The following LRP2 variants were observed in gnomAD, a reference collection of about 807,000 sequenced individuals.
The protein encoded by LRP2 is LDL receptor related protein 2.
A neutral mutation model predicts 531.0 loss-of-function variants in LRP2; 172 were observed. The ratio of observed to expected loss-of-function variants is 0.32; its 90% CI spans 0.29 to 0.37. The LOEUF (loss-of-function observed/expected upper bound fraction) is 0.37, where lower values mean the gene tolerates loss of function less well. Ranked by LOEUF, LRP2 falls within the 10% of genes least tolerant of loss-of-function variation. The probability of loss-of-function intolerance (pLI) is 1.00; values close to 1 mark genes in which losing one functional copy is unlikely to be tolerated. For missense variants in LRP2, 5,167 were observed against 5,868.3 expected (o/e 0.88, Z 3.90); for synonymous variants, 1,992 against 2,027.6 (o/e 0.98, Z 0.47).
chr2:169,332,612 T>C (rs1435772874), intron 1 of LRP2, among the ~76,000 whole-genome samples: 4 of 152,206 alleles, frequency 2.6e-5, no homozygotes, highest in Non-Finnish European at 5.9e-5. Context: ...ATTGAAGCAG[T>C]ATGTAATTGC....
Position 169,267,369 on chromosome 2 carries a change from A to G in LRP2, c.2320+3535T>C, listed in dbSNP as rs1574200366. Among the ~76,000 whole-genome samples the G allele has an allele frequency of 2.0e-5, 3 of 152,228 alleles. No homozygotes were observed. The East Asian group carries it at 5.8e-4, about 29-fold the overall frequency. On this transcript the variant is annotated intron_variant, in intron 16 of 78. Coordinates refer to ENST00000649046, the MANE Select transcript of LRP2 (RefSeq NM_004525.3). ...CATAGTTGGAAGTAAAGCACTCCTCAGCAAATGTAAAAGAACAGAAATTAT... is the reference window on the plus strand; with the variant it reads ...CATAGTTGGAAGTAAAGCACTCCTCGGCAAATGTAAAAGAACAGAAATTAT...
intron 32 of LRP2, 57 bp downstream of exon 32, chr2:169,226,365 G>C (rs1689199948): frequency 1.4e-6 from 2 of 1,399,138 alleles, no homozygotes; most frequent in African/African-American, 2.8e-5. Context: ...GAAAACATCA[G>C]TGCAGGCAGG....
At position 169,193,722 on chromosome 2, in the gene LRP2, G is replaced by T. The variant is rs767983515; in HGVS notation, c.8830+39C>A. 6 of 1,613,760 alleles carry T rather than the reference G, an allele frequency of 3.7e-6. No individual in the cohort carries two copies. The South Asian group carries it at 6.6e-5, about 18-fold the overall frequency. On this transcript the variant is annotated intron_variant, in intron 47 of 78. Transcript: ENST00000649046. ...AAAACAACTCTACTGTGTTTCCCTG[G>T]AATGTGACTCTGCAGAGGAATTAAT...
chr2:169,238,204 C>G lies in LRP2; in HGVS notation c.4393G>C (p.Gly1465Arg). The G allele has an allele frequency of 6.2e-7, 1 of 1,614,094 alleles. No homozygotes were observed. Among genetic ancestry groups the G allele is most frequent in the Non-Finnish European group, 8.5e-7 (1 of 1,179,960 alleles). Residue 1465 changes from glycine (G) to arginine (R), a missense_variant, in exon 27 of 79, where the codon GGT (glycine) becomes CGT (arginine). By Grantham distance (125) the Gly-to-Arg change is moderately radical. Coordinates refer to ENST00000649046, the MANE Select transcript of LRP2 (RefSeq NM_004525.3). ...AAATCAACAGCTACAATGTAAGAACCATTCTCGACCAATGAATAGATATTG... is the reference window on the plus strand; with the variant it reads ...AAATCAACAGCTACAATGTAAGAACGATTCTCGACCAATGAATAGATATTG... Reference protein sequence around the residue: ...VHNIYSLVENGSYIVAVDFDS... With the variant: ...VHNIYSLVENRSYIVAVDFDS...
Position 169,139,372 on chromosome 2 carries a change from C to A in LRP2, c.13268-1G>T. 1 of 1,614,122 alleles carries A rather than the reference C, an allele frequency of 6.2e-7. No individual in the cohort carries two copies. Among genetic ancestry groups the A allele is most frequent in the Non-Finnish European group, 8.5e-7 (1 of 1,180,014 alleles). On this transcript the variant is annotated splice_acceptor_variant, in intron 73 of 78. Transcript: ENST00000649046. LOFTEE classifies it high-confidence loss of function. ...ATTGTCAACAGCACAGCTACTGCGGCTATAGAAGAAGATAGCAGAGAGCAC... is the reference window on the plus strand; with the variant it reads ...ATTGTCAACAGCACAGCTACTGCGGATATAGAAGAAGATAGCAGAGAGCAC...
At chr2:169,200,275 C>A (rs534149360) in intron 44 of LRP2, among the ~76,000 whole-genome samples, 2 of 152,106 alleles carry the variant, frequency 1.3e-5, no homozygotes, top group Admixed American at 1.3e-4. Context: ...ATTTTTTTTC[C>A]TTAAAAACTG....
intron 64 of LRP2, among the ~76,000 whole-genome samples, chr2:169,156,751 G>A (rs142923804): frequency 2.0e-5 from 3 of 152,198 alleles, no homozygotes; most frequent in Admixed American, 1.3e-4. Flanking sequence ...TGTATTGTTC[G>A]GTGTCTCTTC....
chr2:169,164,390 G>C (rs1399791465), intron 62 of LRP2, among the ~76,000 whole-genome samples: 1 of 152,216 alleles, frequency 6.6e-6, no homozygotes, highest in Non-Finnish European at 1.5e-5. Flanking sequence ...GGTTAAGGGT[G>C]TTCTGTGTGT....
intron 2 of LRP2, among the ~76,000 whole-genome samples, chr2:169,319,766 G>A (rs1184537801): frequency 1.3e-5 from 2 of 152,292 alleles, no homozygotes; most frequent in South Asian, 2.1e-4. Flanking sequence ...CAGAAGCTGA[G>A]GTCCCACCTC....
intron 64 of LRP2, 146 bp downstream of exon 64, chr2:169,157,225 G>C: frequency 1.2e-6 from 1 of 827,126 alleles, no homozygotes; most frequent in Admixed American, 2.7e-5. Context: ...AGCAATTCTT[G>C]AGTAGTTTAA....
At chr2:169,263,159 C>T (rs557263267) in intron 16 of LRP2, among the ~76,000 whole-genome samples, 1 of 152,250 alleles carries the variant, frequency 6.6e-6, no homozygotes, top group East Asian at 1.9e-4. Flanking sequence ...AAAACCTAGG[C>T]ATTACCATTC....
At chr2:169,204,309 T>C in intron 41 of LRP2, 38 bp from the exon 42 acceptor site, 3 of 1,596,612 alleles carry the variant, frequency 1.9e-6, no homozygotes, top group Middle Eastern at 1.7e-4. Context: ...AGTTGAAATC[T>C]CAAGTGAGTT....
At position 169,338,359 on chromosome 2, in the gene LRP2, GGAAAGAAAGAAAGAAAGAAAGAAA is replaced by G. The variant is rs869084371; in HGVS notation, c.80-17499_80-17476del. Among the ~76,000 whole-genome samples, 83 of 76,636 alleles carry G rather than the reference GGAAAGAAAGAAAGAAAGAAAGAAA, an allele frequency of 1.1e-3. 1 individual carries two copies. Among genetic ancestry groups the G allele is most frequent in the African/African-American group, 4.2e-3 (76 of 18,212 alleles). The allele number at this position is 76,636 out of a possible 152,430, so 50.3% of individuals were successfully genotyped here. A position where few individuals can be genotyped will look rare whatever the true frequency, so the allele number is the denominator to read the frequency against. On this transcript the variant is annotated intron_variant, in intron 1 of 78. Coordinates refer to ENST00000649046, the MANE Select transcript of LRP2 (RefSeq NM_004525.3). ...GAGAAAGAAAGAAGGAAAGAAAGAA[GGAAAGAAAGAAAGAAAGAAAGAAA>G]GAAAGAAAGAAAGAAAGAAAGAAAG...
chr2:169,256,307 C>A, intron 18 of LRP2, 71 bp from the exon 19 acceptor site: 1 of 1,279,666 alleles, frequency 7.8e-7, no homozygotes, highest in Non-Finnish European at 1.1e-6. Context: ...AAAGGGCATC[C>A]AAAAACAGTA....
At chr2:169,184,211 T>C (rs982872718) in intron 50 of LRP2, among the ~76,000 whole-genome samples, 8 of 152,238 alleles carry the variant, frequency 5.3e-5, no homozygotes, top group Non-Finnish European at 1.2e-4. Context: ...AACAGTACCA[T>C]GCTCAGTTCT....
chr2:169,328,498 A>ATAAG (rs1477221876), intron 1 of LRP2, among the ~76,000 whole-genome samples: 9 of 151,310 alleles, frequency 5.9e-5, no homozygotes, highest in African/African-American at 2.2e-4. Flanking sequence ...AAATAAATAA[A>ATAAG]AAGATATGGT....
At chr2:169,220,907 A>G (rs959101822) in intron 33 of LRP2, among the ~76,000 whole-genome samples, 1 of 152,138 alleles carries the variant, frequency 6.6e-6, no homozygotes, top group Non-Finnish European at 1.5e-5. Flanking sequence ...CAGGAGAGCT[A>G]AGAGAAATCT....
chr2:169,303,915 T>C (rs991629498), intron 4 of LRP2, among the ~76,000 whole-genome samples: 2 of 152,098 alleles, frequency 1.3e-5, no homozygotes, highest in East Asian at 3.9e-4. Context: ...TAAATTTTTT[T>C]AAATAAAAAA....
In LRP2 at chr2:169,282,898, T is replaced by C. The variant is rs1574217933; in HGVS notation, c.1146A>G (p.Gly382=). The change falls in exon 10 of 79, where the codon GGA becomes GGG. Residue 382 remains glycine, a synonymous_variant. Coordinates refer to ENST00000649046, the MANE Select transcript of LRP2 (RefSeq NM_004525.3). ...HCEEGYILER[G]QYCKANDSFG... The stretch of plus-strand genomic sequence containing the variant: ...AGGAATCATTAGCTTTGCAATACTG[T>C]CCACGCTCCAAGATATACCCTTCTT... 1 of 1,614,084 alleles carries C rather than the reference T, an allele frequency of 6.2e-7. No homozygotes were observed. The highest frequency in any genetic ancestry group is 8.5e-7 in the Non-Finnish European group (1 of 1,179,942).
Sources: allele counts gnomAD v4.1 joint callset (sites outside exome capture counted in the v4.1 genomes callset), GRCh38; gene constraint gnomAD v4.1.1; transcripts MANE v1.5; gene names NCBI Gene and HGNC (gene_info 2026-07-23, HGNC 2026-07-21).